The following TMEM117 variants were observed in gnomAD, a reference collection of about 807,000 sequenced individuals.
The protein encoded by TMEM117 is transmembrane protein 117.
In TMEM117, 27 loss-of-function variants were observed where a neutral mutation model predicts 52.4. That is an observed-to-expected ratio of 0.51 (90% CI 0.38 to 0.71). The LOEUF (loss-of-function observed/expected upper bound fraction) is 0.71, where lower values mean the gene tolerates loss of function less well. TMEM117 is among the 30% of genes least tolerant of loss of function. The pLI is 0.00. For synonymous variants in TMEM117, 215 were observed against 206.3 expected, an observed-to-expected ratio of 1.04 and a Z score of -0.36; for missense variants, 556 against 630.5, an observed-to-expected ratio of 0.88 and a Z score of 1.26.
intron 4 of TMEM117, among the ~76,000 whole-genome samples, chr12:44,169,390 G>C (rs1429731153): frequency 6.6e-6 from 1 of 152,088 alleles, no homozygotes; most frequent in Non-Finnish European, 1.5e-5. Context: ...TGGTTATTCT[G>C]TCAGGTGTGA....
At chr12:43,833,745 C>T (rs2137328993), upstream of TMEM117, among the ~76,000 whole-genome samples, 1 of 151,732 alleles carries the variant, frequency 6.6e-6, no homozygotes, top group South Asian at 2.1e-4. Context: ...GCTGTGATTG[C>T]ACCACTGCAC....
At chr12:43,886,680 A>C (rs1045547686) in intron 2 of TMEM117, among the ~76,000 whole-genome samples, 1 of 152,056 alleles carries the variant, frequency 6.6e-6, no homozygotes, top group African/African-American at 2.4e-5. Flanking sequence ...GGTTTGCTAC[A>C]TAGGTAAATG....
chr12:44,039,418 T>C (rs1946762761), intron 3 of TMEM117, among the ~76,000 whole-genome samples: 1 of 150,104 alleles, frequency 6.7e-6, no homozygotes, highest in African/African-American at 2.4e-5. Context: ...ATATTAATAA[T>C]TATTAGGGCA....
chr12:44,239,778 C>G (rs1427733551), intron 5 of TMEM117, among the ~76,000 whole-genome samples: 1 of 152,008 alleles, frequency 6.6e-6, no homozygotes, highest in Non-Finnish European at 1.5e-5. Flanking sequence ...CCCACATGCA[C>G]ACATACACAT....
intron 5 of TMEM117, among the ~76,000 whole-genome samples, chr12:44,216,915 A>G (rs969053282): frequency 2.0e-5 from 3 of 151,996 alleles, no homozygotes; most frequent in African/African-American, 7.3e-5. Context: ...AATGGTGTGG[A>G]TGGGGTATCT....
rs140628092 is a variant in TMEM117 at position 44,122,887 on chromosome 12, C to A, written c.411-20638C>A. ...GCAGTGAACATATGTGCAATGTATC[C>A]TTAAAATAGAACAATTGGTATCCCT... On this transcript the variant is annotated intron_variant, in intron 3 of 7. Coordinates refer to ENST00000266534, the MANE Select transcript of TMEM117 (RefSeq NM_032256.3). Among the ~76,000 whole-genome samples the A allele has an allele frequency of 4.6e-3, 698 of 152,224 alleles. 5 individuals carry two copies. The highest frequency in any genetic ancestry group is 7.8e-3 in the Non-Finnish European group (533 of 67,986).
chr12:44,321,417 C>T lies in TMEM117; in HGVS notation c.768+21678C>T, dbSNP rs146663329. ...AAATCAGGGGGTATGATTGTTCTTC[C>T]GTGTATTATGAAGCAAGCTAGGAAA... On this transcript the variant is annotated intron_variant, in intron 6 of 7. Coordinates refer to ENST00000266534, the MANE Select transcript of TMEM117 (RefSeq NM_032256.3). Among the ~76,000 whole-genome samples, 10 of 152,210 alleles carry T rather than the reference C, an allele frequency of 6.6e-5. No individual in the cohort carries two copies. In the East Asian group the frequency reaches 1.2e-3, roughly 18 times the overall value.
intron 5 of TMEM117, 112 bp from the exon 6 acceptor site, chr12:44,299,468 A>G (rs2138640471): frequency 1.5e-6 from 2 of 1,368,220 alleles, no homozygotes; most frequent in South Asian, 2.9e-5. Flanking sequence ...AATATACCTT[A>G]GGGTAGGTGC....
intron 6 of TMEM117, among the ~76,000 whole-genome samples, chr12:44,331,197 A>T (rs1951266011): frequency 6.6e-6 from 1 of 151,512 alleles, no homozygotes; most frequent in African/African-American, 2.4e-5. Context: ...AAAAAAAAAA[A>T]TCTTTTTTTC....
chr12:44,033,291 G>C (rs1048358412), intron 3 of TMEM117, among the ~76,000 whole-genome samples: 3 of 152,160 alleles, frequency 2.0e-5, no homozygotes, highest in Non-Finnish European at 4.4e-5. Context: ...CCATAAAAAT[G>C]AGCAACTAGC....
chr12:44,330,623 G>T (rs1266878381), intron 6 of TMEM117, among the ~76,000 whole-genome samples: 2 of 151,998 alleles, frequency 1.3e-5, no homozygotes, highest in East Asian at 1.9e-4. Context: ...CATTTCAAGT[G>T]TTTAATAGCC....
intron 3 of TMEM117, among the ~76,000 whole-genome samples, chr12:44,018,808 T>C (rs1171996537): frequency 1.3e-5 from 2 of 151,752 alleles, no homozygotes; most frequent in African/African-American, 2.4e-5. Flanking sequence ...CAACCTCCGC[T>C]TCCCAGGTTA....
At position 44,182,292 on chromosome 12, in the gene TMEM117, A is replaced by G. The variant is rs140145225; in HGVS notation, c.511-28998A>G. Among the ~76,000 whole-genome samples, 1,298 of 152,270 alleles carry G rather than the reference A, an allele frequency of 8.5e-3. 20 individuals carry two copies. The highest frequency in any genetic ancestry group is 0.03 in the African/African-American group (1,226 of 41,542). On this transcript the variant is annotated intron_variant, in intron 4 of 7. Transcript: ENST00000266534. ...GTTTTTCTAGATATACAATCATGTC[A>G]TCTGCAAACAGGGACAATTTGACTT...
chr12:43,953,269 T>A (rs1235669415), intron 3 of TMEM117, among the ~76,000 whole-genome samples: 1 of 152,128 alleles, frequency 6.6e-6, no homozygotes, highest in Non-Finnish European at 1.5e-5. Flanking sequence ...CCAGCCACCA[T>A]CATGATGACA....
chr12:44,013,033 T>G (rs1375611600), intron 3 of TMEM117, among the ~76,000 whole-genome samples: 1 of 151,804 alleles, frequency 6.6e-6, no homozygotes, highest in Non-Finnish European at 1.5e-5. Context: ...TCTTGCTTTT[T>G]TTTTTTTTAG....
intron 6 of TMEM117, among the ~76,000 whole-genome samples, chr12:44,300,582 A>G (rs924677339): frequency 5.3e-5 from 8 of 152,204 alleles, no homozygotes; most frequent in Non-Finnish European, 1.2e-4. Flanking sequence ...AGGCAAAAAG[A>G]GGCCTTTATG....
chr12:44,351,661 CA>C (rs1367493471), intron 6 of TMEM117, among the ~76,000 whole-genome samples: 1 of 151,818 alleles, frequency 6.6e-6, no homozygotes, highest in East Asian at 1.9e-4. Flanking sequence ...TTTATTCATT[CA>C]AGGCCTACAT....
At chr12:44,011,353 A>C (rs1946287437) in intron 3 of TMEM117, among the ~76,000 whole-genome samples, 1 of 152,112 alleles carries the variant, frequency 6.6e-6, no homozygotes, top group Non-Finnish European at 1.5e-5. Context: ...AACTCCCACA[A>C]TTCTCATTCC....
In TMEM117 at chr12:44,268,022, G is replaced by A. The variant is rs554181578; in HGVS notation, c.609-31558G>A. Among the ~76,000 whole-genome samples the A allele has an allele frequency of 6.6e-5, 10 of 152,190 alleles. No homozygotes were observed. In the South Asian group the frequency reaches 2.1e-3, roughly 32 times the overall value. ...GTCCTTTGGATATGTACCCAGTAGT[G>A]GGATTCCTTGACCATATGGTAGTTC... On this transcript the variant is annotated intron_variant, in intron 5 of 7. Coordinates refer to ENST00000266534, the MANE Select transcript of TMEM117 (RefSeq NM_032256.3).
Sources: gnomAD v4.1 joint callset for allele counts (sites outside exome capture counted in the v4.1 genomes callset) on GRCh38, gnomAD v4.1.1 for gene constraint, MANE v1.5 for transcripts, NCBI Gene and HGNC (gene_info 2026-07-23, HGNC 2026-07-21) for gene names.